The following AP3D1 variants were observed in gnomAD, a reference collection of about 807,000 sequenced individuals.
The protein encoded by AP3D1 is AP-3 complex subunit delta-1.
AP3D1 carries 51 observed loss-of-function variants against 147.6 expected under a neutral mutation model. The observed-to-expected ratio is 0.35, with a 90% confidence interval of 0.28 to 0.44. AP3D1 has a LOEUF of 0.44. AP3D1 is among the 20% of genes least tolerant of loss of function. The pLI is 1.00. For synonymous variants in AP3D1, 760 were observed against 663.0 expected, an observed-to-expected ratio of 1.15 and a Z score of -2.25; for missense variants, 1,421 against 1,624.2, an observed-to-expected ratio of 0.87 and a Z score of 2.15.
intron 18 of AP3D1, 73 bp downstream of exon 18, chr19:2,116,134 A>C: frequency 6.7e-7 from 1 of 1,481,544 alleles, no homozygotes; most frequent in East Asian, 2.3e-5. Context: ...CCCGAAACTC[A>C]GATGGATGCC....
At position 2,118,772 on chromosome 19, in the gene AP3D1, C is replaced by T; in HGVS notation, c.1542G>A (p.Leu514=). 1 of 1,613,786 alleles carries T rather than the reference C, an allele frequency of 6.2e-7. No individual in the cohort carries two copies. Among genetic ancestry groups the T allele is most frequent in the Non-Finnish European group, 8.5e-7 (1 of 1,180,008 alleles). The change falls in exon 15 of 32, where the codon CTG becomes CTA. Residue 514 remains leucine, a synonymous_variant. Transcript: ENST00000643116. The part of the protein sequence containing the change: ...EAMLRPRVTT[L]PGHIQAVYVQ... Reference sequence around the variant, plus strand: ...CATACACGGCCTGGATGTGGCCTGGCAGCGTGGTGACTCTGGGCCGCAGCA... The same window carrying T: ...CATACACGGCCTGGATGTGGCCTGGTAGCGTGGTGACTCTGGGCCGCAGCA...
chr19:2,109,831 G>T (rs369125384), intron 29 of AP3D1, 42 bp downstream of exon 29: 1 of 1,582,602 alleles, frequency 6.3e-7, no homozygotes, highest in South Asian at 1.1e-5. Flanking sequence ...GAGGGGAGGC[G>T]GAGGGGGTTC....
intron 23 of AP3D1, 54 bp downstream of exon 23, chr19:2,113,282 G>A (rs1398578147): frequency 1.4e-5 from 14 of 991,560 alleles, no homozygotes; most frequent in Non-Finnish European, 2.1e-5. Flanking sequence ...CTGAGTGCCA[G>A]GTATGACCTC....
At chr19:2,139,556 C>T (rs1461545347) in intron 1 of AP3D1, among the ~76,000 whole-genome samples, 1 of 152,176 alleles carries the variant, frequency 6.6e-6, no homozygotes, top group Admixed American at 6.5e-5. Context: ...AACATAGCAC[C>T]AGAGACAAGC....
chr19:2,103,776 A>C (rs1217733906), intron 31 of AP3D1, among the ~76,000 whole-genome samples: 2 of 152,196 alleles, frequency 1.3e-5, no homozygotes, highest in African/African-American at 2.4e-5. Flanking sequence ...CACTCCACGG[A>C]AAACGACCAG....
At chr19:2,126,114 G>T (rs997880925) in intron 9 of AP3D1, among the ~76,000 whole-genome samples, 1 of 149,396 alleles carries the variant, frequency 6.7e-6, no homozygotes, top group Non-Finnish European at 1.5e-5. Flanking sequence ...AGAGAGACGG[G>T]GTCTCACTCT....
At chr19:2,137,186 G>A in intron 3 of AP3D1, 95 bp from the exon 4 acceptor site, 1 of 1,132,690 alleles carries the variant, frequency 8.8e-7, no homozygotes, top group Non-Finnish European at 1.3e-6. Context: ...GGCAGCGCCA[G>A]CCCAGAAGCA....
At chr19:2,126,469 T>C (rs1010395077) in intron 9 of AP3D1, among the ~76,000 whole-genome samples, 1 of 151,896 alleles carries the variant, frequency 6.6e-6, no homozygotes, top group Non-Finnish European at 1.5e-5. Flanking sequence ...GCCTGATCAA[T>C]GTAGTGAAAC....
At chr19:2,126,171 C>A (rs538955352) in intron 9 of AP3D1, among the ~76,000 whole-genome samples, 3 of 152,292 alleles carry the variant, frequency 2.0e-5, no homozygotes, top group Admixed American at 2.0e-4. Context: ...CTTGCCTCGG[C>A]CTCCTGAATA....
At chr19:2,156,032 G>A (rs186591585), upstream of AP3D1, among the ~76,000 whole-genome samples, 479 of 148,038 alleles carry the variant, frequency 3.2e-3, 4 homozygotes, top group Non-Finnish European at 4.8e-3. Flanking sequence ...CAGCCTGGAC[G>A]ACAGAGCGAG....
At chr19:2,153,980 C>T (rs1173247740), upstream of AP3D1, among the ~76,000 whole-genome samples, 1 of 87,430 alleles carries the variant, frequency 1.1e-5, no homozygotes, top group East Asian at 2.9e-4. Flanking sequence ...CAGAGTCTCG[C>T]TCTGTTGCCC....
intron 1 of AP3D1, among the ~76,000 whole-genome samples, chr19:2,146,613 A>AG (rs2019363633): frequency 6.6e-6 from 1 of 151,682 alleles, no homozygotes; most frequent in African/African-American, 2.4e-5. Flanking sequence ...GTCTCAAAAA[A>AG]AAAAAAAAAA....
chr19:2,117,049 A>G (rs2018475888), intron 16 of AP3D1, 173 bp downstream of exon 16: 2 of 898,868 alleles, frequency 2.2e-6, no homozygotes, highest in African/African-American at 1.7e-5. Flanking sequence ...GCCAGATCCC[A>G]GAACCAGTGA....
At chr19:2,123,901 G>A in intron 9 of AP3D1, 22 bp from the exon 10 acceptor site, 1 of 1,565,566 alleles carries the variant, frequency 6.4e-7, no homozygotes, top group Non-Finnish European at 8.7e-7. Flanking sequence ...AGCTTGGTCA[G>A]CACCACGGTC....
In AP3D1 at chr19:2,163,904, G is replaced by T. The variant is rs562612730; in HGVS notation, c.-103+452C>A. On this transcript the variant is annotated intron_variant, in intron 1 of 14. Coordinates refer to the AP3D1 transcript ENST00000643010. ...CGCTCCGGGCTCCCCTAGCGCGCGG[G>T]GCGAGTGGTTCCGCCCGGCCCCCGG... Among the ~76,000 whole-genome samples, 587 of 149,898 alleles carry T rather than the reference G, an allele frequency of 3.9e-3. 3 individuals carry two copies. The highest frequency in any genetic ancestry group is 0.012 in the African/African-American group (475 of 41,298).
Position 2,129,166 on chromosome 19 carries a change from G to A in AP3D1, c.733-3C>T. The A allele has an allele frequency of 6.2e-7, 1 of 1,605,780 alleles. No individual in the cohort carries two copies. The highest frequency in any genetic ancestry group is 1.1e-5 in the South Asian group (1 of 89,752). Reference sequence around the variant, plus strand: ...TCCAAAGGAGTAAGAGCACCGAACTGTGGGGACAGCAGGGCCTCGGTCACC... The same window carrying A: ...TCCAAAGGAGTAAGAGCACCGAACTATGGGGACAGCAGGGCCTCGGTCACC... On this transcript the variant is annotated splice_polypyrimidine_tract_variant and splice_region_variant and intron_variant, in intron 7 of 31. Coordinates refer to ENST00000643116, the MANE Select transcript of AP3D1 (RefSeq NM_001261826.3).
At chr19:2,111,979 G>A (rs988331051) in intron 24 of AP3D1, 151 bp from the exon 25 acceptor site, 8 of 1,289,914 alleles carry the variant, frequency 6.2e-6, no homozygotes, top group Admixed American at 2.1e-5. Context: ...CAGGCCTACC[G>A]GGACAAGCTC....
At position 2,162,033 on chromosome 19, in the gene AP3D1, GTTTTTTTT is replaced by G. The variant is rs1186533323; in HGVS notation, c.-103+2315_-103+2322del. Among the ~76,000 whole-genome samples, 22 of 130,698 alleles carry G rather than the reference GTTTTTTTT, an allele frequency of 1.7e-4. 1 individual carries two copies. The highest frequency in any genetic ancestry group is 5.3e-4 in the African/African-American group (19 of 35,780). The allele number at this position is 130,698 out of a possible 152,430, so 85.7% of individuals were successfully genotyped here. A position where few individuals can be genotyped will look rare whatever the true frequency, so the allele number is the denominator to read the frequency against. On this transcript the variant is annotated intron_variant, in intron 1 of 14. Coordinates refer to the AP3D1 transcript ENST00000643010. ...CAACAACAAAGAAAAAGCCCATTGA[GTTTTTTTT>G]TTTTTTTTTTTTGAGACACAGTCTC...
At chr19:2,102,502 G>A (rs145963191) in intron 31 of AP3D1, among the ~76,000 whole-genome samples, 3 of 152,258 alleles carry the variant, frequency 2.0e-5, no homozygotes, top group African/African-American at 7.2e-5. Flanking sequence ...GCTGAGGCAG[G>A]CAGATCACCA....
Sources: allele counts gnomAD v4.1 joint callset (sites outside exome capture counted in the v4.1 genomes callset), GRCh38; gene constraint gnomAD v4.1.1; transcripts MANE v1.5; gene names NCBI Gene and HGNC (gene_info 2026-07-23, HGNC 2026-07-21).